Variants in CDYL2 observed in about 807,000 individuals in gnomAD.
CDYL2 encodes the protein chromodomain Y like 2.
CDYL2 carries 23 observed loss-of-function variants against 49.4 expected under a neutral mutation model. That is an observed-to-expected ratio of 0.47 (90% CI 0.34 to 0.66). The LOEUF is 0.66. Ranked by LOEUF, CDYL2 falls within the 30% of genes least tolerant of loss-of-function variation. The pLI, the probability that CDYL2 is intolerant of heterozygous loss-of-function variation, is 0.01. For synonymous variants in CDYL2, 360 were observed against 268.8 expected, an observed-to-expected ratio of 1.34 and a Z score of -3.32; for missense variants, 678 against 656.4, an observed-to-expected ratio of 1.03 and a Z score of -0.36.
chr16:80,715,493 C>T lies in CDYL2; in HGVS notation c.25-30364G>A, dbSNP rs145639427. ...TGTCTTTGCAAGACATTTACAGACA[C>T]TCATGGTTCTCCAGTGGCACTGCCC... On this transcript the variant is annotated intron_variant, in intron 1 of 6. Coordinates refer to ENST00000570137, the MANE Select transcript of CDYL2 (RefSeq NM_152342.4). 4.4e-4 allele frequency among the ~76,000 whole-genome samples: 67 copies of T among 152,314 alleles called. No individual in the cohort carries two copies. In the East Asian group the frequency reaches 0.011, roughly 24 times the overall value.
At chr16:80,785,541 A>G (rs1295815780) in intron 1 of CDYL2, among the ~76,000 whole-genome samples, 4 of 152,184 alleles carry the variant, frequency 2.6e-5, no homozygotes, top group African/African-American at 7.2e-5. Flanking sequence ...TACTGCCCGA[A>G]GTAATTTATA....
chr16:80,639,565 G>C (rs542708546), intron 2 of CDYL2: 1 of 400,956 alleles, frequency 2.5e-6, no homozygotes, highest in Non-Finnish European at 4.9e-6. Flanking sequence ...ACAATAGAAG[G>C]CTCCATGGAT....
chr16:80,605,961 G>A (rs2142356700), intron 6 of CDYL2, among the ~76,000 whole-genome samples: 1 of 152,352 alleles, frequency 6.6e-6, no homozygotes, highest in East Asian at 1.9e-4. Context: ...GGAAAACCTG[G>A]TCTGGCTGAT....
chr16:80,754,011 T>C (rs1282257403), intron 1 of CDYL2, among the ~76,000 whole-genome samples: 4 of 152,358 alleles, frequency 2.6e-5, no homozygotes, highest in Middle Eastern at 3.4e-3. Context: ...GAAGCATGCC[T>C]TACTGTACAT....
intron 1 of CDYL2, among the ~76,000 whole-genome samples, chr16:80,803,569 G>T (rs867586362): frequency 2.6e-5 from 4 of 151,104 alleles, no homozygotes; most frequent in Non-Finnish European, 5.9e-5. Context: ...GGAGCGGTTT[G>T]GCGGTTGTCC....
chr16:80,771,485 C>G (rs906551904), intron 1 of CDYL2, among the ~76,000 whole-genome samples: 7 of 152,230 alleles, frequency 4.6e-5, no homozygotes, highest in Admixed American at 6.5e-5. Flanking sequence ...AGGCGGATCA[C>G]TTGTGGTCTG....
chr16:80,698,986 G>C (rs1368625526), intron 1 of CDYL2, among the ~76,000 whole-genome samples: 3 of 152,056 alleles, frequency 2.0e-5, no homozygotes, highest in African/African-American at 7.3e-5. Context: ...AGGTAGAATG[G>C]CTATTATCAA....
At chr16:80,669,132 G>T (rs72806171) in intron 2 of CDYL2, among the ~76,000 whole-genome samples, 2 of 151,766 alleles carry the variant, frequency 1.3e-5, no homozygotes, top group South Asian at 2.1e-4. Flanking sequence ...GGCAGTAAAA[G>T]ATTTTTTTTT....
intron 2 of CDYL2, among the ~76,000 whole-genome samples, chr16:80,674,742 G>A (rs1477282968): frequency 3.9e-5 from 6 of 152,188 alleles, no homozygotes; most frequent in Admixed American, 6.5e-5. Context: ...CCACGTTGCC[G>A]CATATGTCCA....
intron 1 of CDYL2, among the ~76,000 whole-genome samples, chr16:80,745,030 G>C (rs1173126786): frequency 1.3e-5 from 2 of 152,174 alleles, no homozygotes; most frequent in East Asian, 3.9e-4. Context: ...GACAGATACA[G>C]GATGACGAAA....
At chr16:80,739,415 A>G (rs1317663024) in intron 1 of CDYL2, among the ~76,000 whole-genome samples, 1 of 152,226 alleles carries the variant, frequency 6.6e-6, no homozygotes, top group African/African-American at 2.4e-5. Context: ...ATTTTATGTT[A>G]TATGTATTTT....
At chr16:80,640,638 G>C (rs1322027323) in intron 2 of CDYL2, among the ~76,000 whole-genome samples, 2 of 152,164 alleles carry the variant, frequency 1.3e-5, no homozygotes, top group Admixed American at 6.5e-5. Flanking sequence ...AGGGAGATAT[G>C]TGACCTTTCA....
At chr16:80,662,753 G>C in intron 2 of CDYL2, 1 of 455,788 alleles carries the variant, frequency 2.2e-6, no homozygotes, top group Admixed American at 2.4e-5. Flanking sequence ...ACCACCTGTG[G>C]CTGATGGCTA....
chr16:80,759,531 G>C (rs1346952418), intron 1 of CDYL2, among the ~76,000 whole-genome samples: 1 of 152,106 alleles, frequency 6.6e-6, no homozygotes, highest in Non-Finnish European at 1.5e-5. Flanking sequence ...ACAACAGGCT[G>C]AATCAGTGGG....
chr16:80,749,620 AATTATCAG>A, intron 1 of CDYL2, among the ~76,000 whole-genome samples: 1 of 152,326 alleles, frequency 6.6e-6, no homozygotes, highest in Middle Eastern at 3.4e-3. Context: ...AGGTAATCCA[AATTATCAG>A]CTACCTACAA....
At chr16:80,685,833 C>G (rs1281449155) in intron 1 of CDYL2, among the ~76,000 whole-genome samples, 2 of 152,208 alleles carry the variant, frequency 1.3e-5, no homozygotes, top group Non-Finnish European at 2.9e-5. Flanking sequence ...CAGACTTATT[C>G]TCTTACTCAC....
At chr16:80,706,530 G>C (rs1450774581) in intron 1 of CDYL2, among the ~76,000 whole-genome samples, 1 of 152,198 alleles carries the variant, frequency 6.6e-6, no homozygotes, top group Non-Finnish European at 1.5e-5. Flanking sequence ...ATAAGTTAAT[G>C]TTTGGAAGGA....
intron 1 of CDYL2, among the ~76,000 whole-genome samples, chr16:80,788,959 G>A (rs1478506536): frequency 1.3e-5 from 2 of 152,054 alleles, no homozygotes; most frequent in Admixed American, 6.5e-5. Context: ...ACTGGGCAAA[G>A]GACATGACCA....
intron 1 of CDYL2, among the ~76,000 whole-genome samples, chr16:80,728,651 TCAC>T (rs1905237878): frequency 6.6e-6 from 1 of 151,622 alleles, no homozygotes; most frequent in Non-Finnish European, 1.5e-5. Flanking sequence ...ATTGTCAGAT[TCAC>T]CAAAGTTGAA....
Sources: gnomAD v4.1 joint callset for allele counts (sites outside exome capture counted in the v4.1 genomes callset) on GRCh38, gnomAD v4.1.1 for gene constraint, MANE v1.5 for transcripts, NCBI Gene and HGNC (gene_info 2026-07-23, HGNC 2026-07-21) for gene names.